The following ANKLE2 variants were observed in gnomAD, a reference collection of about 807,000 sequenced individuals.
ANKLE2 encodes ankyrin repeat and LEM domain-containing protein 2.
In ANKLE2, 55 loss-of-function variants were observed where a neutral mutation model predicts 84.2. The ratio of observed to expected loss-of-function variants is 0.65; its 90% CI spans 0.53 to 0.82. ANKLE2 has a LOEUF of 0.82. Ranked by LOEUF, ANKLE2 falls within the 40% of genes least tolerant of loss-of-function variation. The pLI is 0.00. For missense variants in ANKLE2, 1,238 were observed against 1,201.9 expected (o/e 1.03, Z -0.44); for synonymous variants, 551 against 486.1 (o/e 1.13, Z -1.76).
intron 6 of ANKLE2, 62 bp from the exon 7 acceptor site, chr12:132,741,547 T>C (rs2044123793): frequency 1.3e-6 from 2 of 1,495,794 alleles, no homozygotes; most frequent in African/African-American, 1.4e-5. Flanking sequence ...ATCATTACAA[T>C]GATTTCAGAA....
At chr12:132,734,742 GA>G (rs2043972624) in intron 9 of ANKLE2, 167 bp from the exon 10 acceptor site, 1 of 659,240 alleles carries the variant, frequency 1.5e-6, no homozygotes, top group Non-Finnish European at 2.5e-6. Flanking sequence ...TGCATTTTCT[GA>G]AACAGCACGC....
chr12:132,741,631 C>G, intron 6 of ANKLE2, 146 bp from the exon 7 acceptor site: 1 of 791,838 alleles, frequency 1.3e-6, no homozygotes, highest in Non-Finnish European at 2.1e-6. Context: ...ACTCAGAAAA[C>G]GTGTGAAGAG....
chr12:132,740,044 A>G (rs2044089532), intron 7 of ANKLE2, among the ~76,000 whole-genome samples: 1 of 152,256 alleles, frequency 6.6e-6, no homozygotes, highest in Admixed American at 6.5e-5. Context: ...TCACAAAGCA[A>G]TGCTTAATGT....
chr12:132,750,486 C>A (rs781241926), intron 3 of ANKLE2, among the ~76,000 whole-genome samples, 157 bp downstream of exon 3: 3 of 152,142 alleles, frequency 2.0e-5, no homozygotes, highest in Non-Finnish European at 4.4e-5. Context: ...GCTAATTACA[C>A]GAGCATCAGA....
chr12:132,729,022 A>C (rs2043767249), intron 11 of ANKLE2, among the ~76,000 whole-genome samples: 1 of 152,032 alleles, frequency 6.6e-6, no homozygotes, highest in African/African-American at 2.4e-5. Context: ...CTGGACTCAG[A>C]GACAGGAACT....
rs746729647 is a variant in ANKLE2, at chr12:132,748,144, G to A, written c.1035C>T (p.Ile345=). ...GGGAACCGCCGAGACCTACCTGCAC[G>A]ATAGTGGGGTTGTCTCCTGAGCCTA... The part of the protein sequence containing the change: ...YLIGSGDNPT[I]VQEGCRYNVM... The change falls in exon 4 of 13, where the codon ATC becomes ATT. Residue 345 remains isoleucine (I), a synonymous_variant. Coordinates refer to ENST00000357997, the MANE Select transcript of ANKLE2 (RefSeq NM_015114.3). The A allele has an allele frequency of 1.3e-5, 21 of 1,613,266 alleles. No individual in the cohort carries two copies. The highest frequency in any genetic ancestry group is 2.2e-5 in the South Asian group (2 of 90,984).
At chr12:132,735,766 A>G (rs1289682942) in intron 8 of ANKLE2, among the ~76,000 whole-genome samples, 1 of 152,220 alleles carries the variant, frequency 6.6e-6, no homozygotes, top group Non-Finnish European at 1.5e-5. Context: ...GTTCAGAACC[A>G]GGAGGGCCCG....
At chr12:132,730,332 GCCCCA>G in intron 10 of ANKLE2, 62 bp from the exon 11 acceptor site, 1 of 1,345,444 alleles carries the variant, frequency 7.4e-7, no homozygotes, top group Non-Finnish European at 1.0e-6. Context: ...GAGCTGCTCC[GCCCCA>G]TCCATGACCA....
intron 8 of ANKLE2, among the ~76,000 whole-genome samples, chr12:132,735,946 G>A (rs2044000323): frequency 6.6e-6 from 1 of 152,068 alleles, no homozygotes; most frequent in South Asian, 2.1e-4. Flanking sequence ...ACCTAATTTT[G>A]GGGCCATTTT....
At chr12:132,758,914 CCGGGGCACCCACG>C (rs1566041389) in intron 1 of ANKLE2, 1 of 146,512 alleles carries the variant, frequency 6.8e-6, no homozygotes, top group Non-Finnish European at 1.5e-5. Context: ...GAGTGGCACC[CCGGGGCACCCACG>C]TGGCAGAGTG....
At chr12:132,747,466 T>C (rs1221955312) in intron 5 of ANKLE2, among the ~76,000 whole-genome samples, 2 of 152,166 alleles carry the variant, frequency 1.3e-5, no homozygotes, top group Non-Finnish European at 2.9e-5. Context: ...TGGCTCTTGG[T>C]AGGACACTGA....
At position 132,754,663 on chromosome 12, in the gene ANKLE2, C is replaced by G. The variant is rs539094769; in HGVS notation, c.640+12G>C. The G allele has an allele frequency of 6.3e-7, 1 of 1,585,620 alleles. No homozygotes were observed. The highest frequency in any genetic ancestry group is 8.6e-7 in the Non-Finnish European group (1 of 1,163,520). ...TATCTGTGTGAGGAAATCCTACACA[C>G]GGTCCCATTACCATTTCTCGCTGGG... is the stretch of plus-strand genomic sequence containing the variant. On this transcript the variant is annotated intron_variant, in intron 2 of 12. Coordinates refer to ENST00000357997, the MANE Select transcript of ANKLE2 (RefSeq NM_015114.3).
chr12:132,735,990 C>T (rs765394788), intron 8 of ANKLE2, among the ~76,000 whole-genome samples: 32 of 152,344 alleles, frequency 2.1e-4, no homozygotes, highest in South Asian at 6.2e-4. Context: ...CTCGCTCTGT[C>T]GCCCAGGCTG....
rs1034493024 is a variant in ANKLE2 at position 132,725,757 on chromosome 12, G to A, written c.*1485C>T. The stretch of plus-strand genomic sequence containing the variant: ...TTTAGAGAAAACAGATCATCACTAC[G>A]AATATCCATATTCTGATTTCTTTTG... On this transcript the variant is annotated 3_prime_UTR_variant, in exon 13 of 13. Coordinates refer to ENST00000357997, the MANE Select transcript of ANKLE2 (RefSeq NM_015114.3). 2.6e-5 allele frequency: 4 copies of A among 152,166 alleles called. No individual in the cohort carries two copies. The highest frequency in any genetic ancestry group is 9.7e-5 in the African/African-American group (4 of 41,444). 9.4% of individuals were successfully genotyped at this position (152,166 alleles called of 1,614,324 possible). A position where few individuals can be genotyped will look rare whatever the true frequency, so the allele number is the denominator to read the frequency against.
At chr12:132,734,086 A>T (rs1346442200) in intron 10 of ANKLE2, 1 of 494,608 alleles carries the variant, frequency 2.0e-6, no homozygotes, top group Non-Finnish European at 3.9e-6. Flanking sequence ...AAAAAAAAAA[A>T]ATACGAAAAT....
intron 3 of ANKLE2, 78 bp downstream of exon 3, chr12:132,750,565 A>G (rs1009450386): frequency 1.3e-6 from 2 of 1,511,814 alleles, no homozygotes; most frequent in Non-Finnish European, 1.8e-6. Context: ...AAGTTACCAC[A>G]TCAGAGGAAA....
chr12:132,743,159 C>G lies in ANKLE2; in HGVS notation c.1348G>C (p.Glu450Gln). The change falls in exon 6 of 13, where the codon GAA becomes CAA. Residue 450 changes from glutamate (E) to glutamine (Q), a missense_variant. Around this residue, in one of 3 missense-constraint regions of ANKLE2, gnomAD observed 802 missense variants for 774.5 expected, o/e 1.04. Coordinates refer to ENST00000357997, the MANE Select transcript of ANKLE2 (RefSeq NM_015114.3). The surrounding 1 kb of genome is among the most constrained non-coding windows in gnomAD (Gnocchi z 4.1). ...GCATTGTAATAAGTACTTACATCTT[C>G]AGGTGTTTTATCATATTTATTCCTT... ...NSRNKYDKTP[E>Q]DVICERSKNK... The G allele has an allele frequency of 6.2e-7, 1 of 1,604,146 alleles. No homozygotes were observed. The highest frequency in any genetic ancestry group is 8.5e-7 in the Non-Finnish European group (1 of 1,174,084).
At chr12:132,746,775 A>AT (rs1413502884) in intron 5 of ANKLE2, among the ~76,000 whole-genome samples, 9 of 152,152 alleles carry the variant, frequency 5.9e-5, no homozygotes, top group African/African-American at 2.2e-4. Flanking sequence ...GGGTTGCTCA[A>AT]TGGCTGTGAG....
chr12:132,742,735 C>T (rs1189882247), intron 6 of ANKLE2, among the ~76,000 whole-genome samples: 20 of 111,620 alleles, frequency 1.8e-4, no homozygotes, highest in East Asian at 3.3e-4. Context: ...ACTGCCAACA[C>T]CACCATGATC....
Sources: gnomAD v4.1 joint callset for allele counts (sites outside exome capture counted in the v4.1 genomes callset) on GRCh38, gnomAD v4.1.1 for gene constraint, gnomAD v4.1.1 regional missense constraint, Gnocchi (gnomAD v3.1) non-coding constraint, MANE v1.5 for transcripts, NCBI Gene and HGNC (gene_info 2026-07-23, HGNC 2026-07-21) for gene names.